Variants in CPSF4 observed in about 807,000 individuals in gnomAD.
The protein encoded by CPSF4 is cleavage and polyadenylation specific factor 4, also known as cleavage and polyadenylation specificity factor subunit 4.
Under a neutral mutation model 37.7 loss-of-function variants are expected in CPSF4, and 11 were observed. The observed-to-expected ratio is 0.29, with a 90% CI of 0.18 to 0.48. CPSF4 has a LOEUF of 0.48. Ranked by LOEUF, CPSF4 falls within the 20% of genes least tolerant of loss-of-function variation. The pLI is 0.99. For synonymous variants in CPSF4, 132 were observed against 135.9 expected, an observed-to-expected ratio of 0.97 and a Z score of 0.20; for missense variants, 144 against 359.5, an observed-to-expected ratio of 0.40 and a Z score of 4.85.
chr7:99,450,163 T>C, intron 3 of CPSF4, 113 bp from the exon 4 acceptor site: 1 of 749,674 alleles, frequency 1.3e-6, no homozygotes, highest in Non-Finnish European at 2.3e-6. Context: ...CTTCCCTGGC[T>C]CTCAGGGCTC....
intron 1 of CPSF4, among the ~76,000 whole-genome samples, chr7:99,440,681 T>A (rs1393403729): frequency 2.8e-4 from 38 of 136,472 alleles, no homozygotes; most frequent in African/African-American, 6.7e-4. Context: ...TATATTTTTT[T>A]TTTTTTTTTT....
Position 99,438,980 on chromosome 7 carries a change from G to A in CPSF4, c.-103G>A. On this transcript the variant is annotated 5_prime_UTR_variant, in exon 1 of 8. Coordinates refer to ENST00000292476, the MANE Select transcript of CPSF4 (RefSeq NM_006693.4). ...GCGGCGGCGGCGGCGGCGGCGAGGCGAAGCGAAGGAGGAGTGTGTGCGGCG... is the reference window on the plus strand; with the variant it reads ...GCGGCGGCGGCGGCGGCGGCGAGGCAAAGCGAAGGAGGAGTGTGTGCGGCG... 1 of 1,334,270 alleles carries A rather than the reference G, an allele frequency of 7.5e-7. No homozygotes were observed. Among genetic ancestry groups the A allele is most frequent in the Non-Finnish European group, 9.7e-7 (1 of 1,033,298 alleles). The allele number at this position is 1,334,270 out of a possible 1,614,324, so 82.7% of individuals were successfully genotyped here.
chr7:99,451,044 G>A (rs761970680), intron 5 of CPSF4: 2 of 452,822 alleles, frequency 4.4e-6, no homozygotes, highest in Non-Finnish European at 4.0e-6. Flanking sequence ...TGTAATGGAA[G>A]CTGTGGGATA....
chr7:99,447,901 C>A (rs758579084), intron 2 of CPSF4: 1 of 592,644 alleles, frequency 1.7e-6, no homozygotes, highest in Admixed American at 2.5e-5. Flanking sequence ...TGATCCACTG[C>A]GCCCGGCCAT....
chr7:99,439,567 G>C, intron 1 of CPSF4: 1 of 192,710 alleles, frequency 5.2e-6, no homozygotes, highest in South Asian at 1.5e-4. Flanking sequence ...TCACTGCCTC[G>C]GATCTTTGGC....
chr7:99,447,730 T>G (rs1445241797), intron 2 of CPSF4: 1 of 420,978 alleles, frequency 2.4e-6, no homozygotes, highest in Non-Finnish European at 4.9e-6. Flanking sequence ...GCTGGGACTA[T>G]AGGCGCCAGC....
chr7:99,438,969 G>T lies in CPSF4; in HGVS notation c.-114G>T, dbSNP rs1796624023. ...GCATCCCTCGGGCGGCGGCGGCGGC[G>T]GCGGCGAGGCGAAGCGAAGGAGGAG... is the stretch of plus-strand genomic sequence containing the variant. On this transcript the variant is annotated 5_prime_UTR_variant, in exon 1 of 8. Coordinates refer to ENST00000292476, the MANE Select transcript of CPSF4 (RefSeq NM_006693.4). 7.5e-7 allele frequency: 1 copy of T among 1,335,258 alleles called. No individual in the cohort carries two copies. The highest frequency in any genetic ancestry group is 9.6e-7 in the Non-Finnish European group (1 of 1,038,360). The allele number at this position is 1,335,258 out of a possible 1,614,324, so 82.7% of individuals were successfully genotyped here. A position where few individuals can be genotyped will look rare whatever the true frequency, so the allele number is the denominator to read the frequency against.
chr7:99,450,848 T>C, intron 5 of CPSF4, 53 bp downstream of exon 5: 3 of 1,365,984 alleles, frequency 2.2e-6, no homozygotes, highest in Non-Finnish European at 3.1e-6. Context: ...CAGGCCCTGC[T>C]GCCCTCCGTA....
In CPSF4 at chr7:99,448,801, C is replaced by A. The variant is rs1029211506; in HGVS notation, c.307+528C>A. The A allele has an allele frequency of 6.5e-6, 1 of 153,746 alleles. No homozygotes were observed. Among genetic ancestry groups the A allele is most frequent in the African/African-American group, 2.4e-5 (1 of 41,472 alleles). 9.5% of individuals were successfully genotyped at this position (153,746 alleles called of 1,614,324 possible). ...TTGCCTCTCAGGCCCGAGCTGGTTC[C>A]TTCTCTCCAGGAGCCATGATCCTGG... On this transcript the variant is annotated intron_variant, in intron 3 of 7. Coordinates refer to ENST00000292476, the MANE Select transcript of CPSF4 (RefSeq NM_006693.4). This position sits in a 1 kb window ranked among gnomAD's most constrained non-coding sequence, Gnocchi z 4.4.
chr7:99,450,729 G>T lies in CPSF4; in HGVS notation c.431G>T (p.Arg144Leu). 2 of 1,614,102 alleles carry T rather than the reference G, an allele frequency of 1.2e-6. No individual in the cohort carries two copies. The highest frequency in any genetic ancestry group is 1.7e-6 in the Non-Finnish European group (2 of 1,179,948). Residue 144 changes from arginine (R) to leucine (L), a missense_variant, in exon 5 of 8, where the codon CGG (arginine) becomes CTG (leucine). Transcript: ENST00000292476. ...HGPLCRHRHTRRVICVNYLVG... is the reference protein window; with the variant it reads ...HGPLCRHRHTLRVICVNYLVG... The stretch of plus-strand genomic sequence containing the variant: ...CCCCTCTGCAGGCACCGGCACACAC[G>T]GAGAGTCATCTGTGTGAATTACCTC...
chr7:99,452,613 G>T, intron 6 of CPSF4, 173 bp downstream of exon 6: 1 of 607,228 alleles, frequency 1.6e-6, no homozygotes, highest in Non-Finnish European at 2.9e-6. Context: ...TATCTCCCTC[G>T]AGAGACGGAG....
chr7:99,456,305 G>A, intron 7 of CPSF4, 127 bp from the exon 8 acceptor site: 1 of 779,868 alleles, frequency 1.3e-6, no homozygotes. Flanking sequence ...GAGAATTTCA[G>A]AGTCATGTCC....
At position 99,448,444 on chromosome 7, in the gene CPSF4, A is replaced by C; in HGVS notation, c.307+171A>C. On this transcript the variant is annotated intron_variant, in intron 3 of 7. Coordinates refer to ENST00000292476, the MANE Select transcript of CPSF4 (RefSeq NM_006693.4). The surrounding 1 kb of genome is among the most constrained non-coding windows in gnomAD (Gnocchi z 4.4). The stretch of plus-strand genomic sequence containing the variant: ...CCAGCTTTTAGGGGACAGTGTGGCT[A>C]TTTTCTGCTCATCTCTTTTTTTTTT... 9.0e-6 allele frequency: 4 copies of C among 446,146 alleles called. No homozygotes were observed. Among genetic ancestry groups the C allele is most frequent in the South Asian group, 7.0e-5 (2 of 28,610 alleles). 27.6% of individuals were successfully genotyped at this position (446,146 alleles called of 1,614,324 possible). A position where few individuals can be genotyped will look rare whatever the true frequency, so the allele number is the denominator to read the frequency against.
chr7:99,441,136 A>AGAT (rs1016648256), intron 1 of CPSF4, among the ~76,000 whole-genome samples: 1 of 151,868 alleles, frequency 6.6e-6, no homozygotes, highest in Non-Finnish European at 1.5e-5. Context: ...TTTTTAGTAG[A>AGAT]GATGAGGTTT....
At chr7:99,456,090 G>A (rs1273559456) in intron 7 of CPSF4, among the ~76,000 whole-genome samples, 2 of 152,240 alleles carry the variant, frequency 1.3e-5, no homozygotes, top group East Asian at 3.9e-4. Flanking sequence ...TCTTTGTCCT[G>A]CTACCCACTT....
chr7:99,447,455 A>G (rs941046773), intron 2 of CPSF4, among the ~76,000 whole-genome samples: 1 of 151,462 alleles, frequency 6.6e-6, no homozygotes, highest in Non-Finnish European at 1.5e-5. Context: ...TACTTTTAGT[A>G]GAGATGGGGT....
rs771131843 is a variant in CPSF4 at position 99,453,598 on chromosome 7, G to A, written c.571-368G>A. On this transcript the variant is annotated intron_variant, in intron 6 of 7. Coordinates refer to ENST00000292476, the MANE Select transcript of CPSF4 (RefSeq NM_006693.4). The surrounding 1 kb of genome is among the most constrained non-coding windows in gnomAD (Gnocchi z 4.7). ...ACTGTTTTTCTGTGACTTGCTCGCC[G>A]TGTAGGCTGCTAAACATCTGGCTGA... The A allele has an allele frequency of 6.2e-5, 11 of 176,432 alleles. No homozygotes were observed. Among genetic ancestry groups the A allele is most frequent in the East Asian group, 1.7e-4 (1 of 6,046 alleles). 10.9% of individuals were successfully genotyped at this position (176,432 alleles called of 1,614,324 possible).
rs571311381 is a variant in CPSF4, at chr7:99,457,279, T to G, written c.*779T>G. ...TGCCCTGTCCTGAGCCTGGAAAATG[T>G]GAAACTGTCTCCTGCAACCTGCTGG... On this transcript the variant is annotated 3_prime_UTR_variant, in exon 8 of 8. Transcript: ENST00000292476. 6.5e-5 allele frequency: 10 copies of G among 153,078 alleles called. No individual in the cohort carries two copies. The highest frequency in any genetic ancestry group is 2.4e-4 in the African/African-American group (10 of 41,588). 9.5% of individuals were successfully genotyped at this position (153,078 alleles called of 1,614,324 possible). A position where few individuals can be genotyped will look rare whatever the true frequency, so the allele number is the denominator to read the frequency against.
chr7:99,450,257 C>A lies in CPSF4; in HGVS notation c.308-19C>A. ...GGCCCCGGCCTTCCCAGTGGTCTCA[C>A]GTCTGAGTTTCCCTGCAGGGGAGTG... On this transcript the variant is annotated intron_variant, in intron 3 of 7. Transcript: ENST00000292476. The A allele has an allele frequency of 6.2e-7, 1 of 1,600,290 alleles. No homozygotes were observed. The highest frequency in any genetic ancestry group is 8.6e-7 in the Non-Finnish European group (1 of 1,167,760).
Sources: allele counts gnomAD v4.1 joint callset (sites outside exome capture counted in the v4.1 genomes callset), GRCh38; gene constraint gnomAD v4.1.1; non-coding constraint Gnocchi (gnomAD v3.1); transcripts MANE v1.5; gene names NCBI Gene and HGNC (gene_info 2026-07-23, HGNC 2026-07-21).